Variants in THSD4 observed in about 807,000 individuals in gnomAD.
The protein encoded by THSD4 is thrombospondin type 1 domain containing 4.
THSD4 carries 69 observed loss-of-function variants against 119.0 expected under a neutral mutation model. That is an observed-to-expected ratio of 0.58 (90% CI 0.48 to 0.71). The LOEUF (loss-of-function observed/expected upper bound fraction) is 0.71. THSD4 is among the 30% of genes least tolerant of loss of function. The probability of loss-of-function intolerance (pLI) is 0.00; values close to 1 mark genes in which losing one functional copy is unlikely to be tolerated. For synonymous variants in THSD4, 524 were observed against 540.4 expected (o/e 0.97, Z 0.42); for missense variants, 1,393 against 1,391.1 (o/e 1.00, Z -0.02).
At chr15:71,505,548 T>C (rs558158380) in intron 7 of THSD4, among the ~76,000 whole-genome samples, 19 of 152,146 alleles carry the variant, frequency 1.2e-4, no homozygotes, top group Non-Finnish European at 2.2e-4. Context: ...AAATAGCAAA[T>C]GTAAAAATGG....
intron 2 of THSD4, among the ~76,000 whole-genome samples, chr15:71,150,597 C>T (rs986021750): frequency 2.0e-5 from 3 of 152,050 alleles, no homozygotes; most frequent in Non-Finnish European, 4.4e-5. Flanking sequence ...TTCAATAGGG[C>T]CCAGTAAATG....
chr15:71,300,442 A>T (rs1365621046), intron 6 of THSD4, among the ~76,000 whole-genome samples: 1 of 152,210 alleles, frequency 6.6e-6, no homozygotes, highest in East Asian at 1.9e-4. Context: ...TTTCAAAGCC[A>T]CATAGGGACA....
chr15:71,158,214 C>T (rs1288970817), intron 3 of THSD4, among the ~76,000 whole-genome samples: 4 of 133,530 alleles, frequency 3.0e-5, no homozygotes, highest in African/African-American at 1.1e-4. Context: ...AGTGCAGTGG[C>T]GCGATCTCAG....
intron 5 of THSD4, among the ~76,000 whole-genome samples, chr15:71,256,407 G>A (rs1342697618): frequency 1.3e-5 from 2 of 151,690 alleles, no homozygotes; most frequent in African/African-American, 4.8e-5. Context: ...CCTGGGAGGT[G>A]GAGGTTGCAG....
intron 6 of THSD4, among the ~76,000 whole-genome samples, chr15:71,364,010 G>C (rs965994449): frequency 6.6e-6 from 1 of 152,166 alleles, no homozygotes; most frequent in South Asian, 2.1e-4. Flanking sequence ...ATTCATTAAA[G>C]TTGTGTTACT....
intron 8 of THSD4, among the ~76,000 whole-genome samples, chr15:71,695,502 A>ATGCGTG (rs1491230251): frequency 4.9e-5 from 7 of 144,128 alleles, no homozygotes; most frequent in African/African-American, 1.8e-4. Flanking sequence ...GTGTGTGTGC[A>ATGCGTG]TGTGTGTGTG....
intron 6 of THSD4, among the ~76,000 whole-genome samples, chr15:71,376,184 G>C (rs2046134297): frequency 6.6e-6 from 1 of 152,142 alleles, no homozygotes; most frequent in African/African-American, 2.4e-5. Context: ...CACATCCTTT[G>C]CTCACACCTC....
intron 6 of THSD4, among the ~76,000 whole-genome samples, chr15:71,339,773 T>G (rs1007654977): frequency 6.6e-6 from 1 of 152,076 alleles, no homozygotes; most frequent in Admixed American, 6.5e-5. Context: ...GTTTTAACTT[T>G]TTTTTTTTTG....
intron 7 of THSD4, among the ~76,000 whole-genome samples, chr15:71,558,625 C>T (rs886562666): frequency 6.6e-6 from 1 of 152,078 alleles, no homozygotes; most frequent in African/African-American, 2.4e-5. Context: ...CATGCCACCA[C>T]ATCTGGCTAA....
chr15:71,741,730 C>T (rs1361379744), intron 11 of THSD4, among the ~76,000 whole-genome samples: 7 of 150,142 alleles, frequency 4.7e-5, no homozygotes, highest in African/African-American at 7.4e-5. Context: ...CACACACACT[C>T]GGCATCTGCC....
intron 6 of THSD4, chr15:71,341,721 A>G (rs2045580658): frequency 9.7e-7 from 1 of 1,027,882 alleles, no homozygotes; most frequent in African/African-American, 1.6e-5. Flanking sequence ...ATTTTCACAG[A>G]TTACCTCAGG....
At chr15:71,366,316 C>T (rs909281524) in intron 6 of THSD4, among the ~76,000 whole-genome samples, 11 of 152,104 alleles carry the variant, frequency 7.2e-5, no homozygotes, top group East Asian at 1.9e-4. Flanking sequence ...CCTCATGATC[C>T]GCCCGTCTTG....
intron 7 of THSD4, among the ~76,000 whole-genome samples, chr15:71,637,518 C>G (rs571919916): frequency 6.6e-5 from 10 of 152,204 alleles, no homozygotes; most frequent in African/African-American, 2.4e-4. Flanking sequence ...GAAAGTGAAG[C>G]TACTGGCATC....
At chr15:71,114,530 T>C (rs2040336800), upstream of THSD4, among the ~76,000 whole-genome samples, 1 of 152,144 alleles carries the variant, frequency 6.6e-6, no homozygotes. Flanking sequence ...AGTCACTCTA[T>C]TTCCTGCCTT....
rs144778908 is a variant in THSD4, at chr15:71,640,383, G to A, written c.1153-20147G>A. 6.1e-4 allele frequency among the ~76,000 whole-genome samples: 93 copies of A among 152,174 alleles called. No individual in the cohort carries two copies. In the East Asian group the frequency reaches 0.015, roughly 25 times the overall value. ...GGTGTGAGCCACTGCACCTGGCCTA[G>A]GCAAATTTCTAATCCTAAATAGTGA... On this transcript the variant is annotated intron_variant, in intron 7 of 17. Transcript: ENST00000261862.
At chr15:71,446,259 C>T (rs1378574915) in intron 7 of THSD4, among the ~76,000 whole-genome samples, 4 of 152,306 alleles carry the variant, frequency 2.6e-5, no homozygotes, top group Middle Eastern at 3.4e-3. Flanking sequence ...AAACCTTCAT[C>T]ATTAGTTGTG....
At chr15:71,256,346 G>T (rs902208207) in intron 5 of THSD4, among the ~76,000 whole-genome samples, 2 of 151,812 alleles carry the variant, frequency 1.3e-5, no homozygotes, top group African/African-American at 4.8e-5. Flanking sequence ...GTGGTGGTGG[G>T]TGCCTGTAAT....
chr15:71,625,769 T>C (rs1176896450), intron 7 of THSD4, among the ~76,000 whole-genome samples: 1 of 152,160 alleles, frequency 6.6e-6, no homozygotes, highest in African/African-American at 2.4e-5. Flanking sequence ...ATGAGGAAAA[T>C]TTAGTCTGCT....
At chr15:71,760,764 T>A (rs551752558) in intron 15 of THSD4, among the ~76,000 whole-genome samples, 2 of 152,328 alleles carry the variant, frequency 1.3e-5, no homozygotes, top group East Asian at 3.9e-4. Flanking sequence ...ACTGCAGGAA[T>A]TCTTTAGGTA....
Sources: allele counts gnomAD v4.1 joint callset (sites outside exome capture counted in the v4.1 genomes callset), GRCh38; gene constraint gnomAD v4.1.1; transcripts MANE v1.5; gene names NCBI Gene and HGNC (gene_info 2026-07-23, HGNC 2026-07-21).